The following PTPN13 variants were observed in gnomAD, a reference collection of about 807,000 sequenced individuals.
The protein encoded by PTPN13 is tyrosine-protein phosphatase non-receptor type 13.
PTPN13 carries 191 observed loss-of-function variants against 284.0 expected under a neutral mutation model. The ratio of observed to expected loss-of-function variants is 0.67; its 90% CI spans 0.60 to 0.76. The LOEUF (loss-of-function observed/expected upper bound fraction) is 0.76, where lower values mean the gene tolerates loss of function less well. PTPN13 is among the 30% of genes least tolerant of loss of function. The pLI is 0.00. For missense variants in PTPN13, 2,797 were observed against 2,939.9 expected, an observed-to-expected ratio of 0.95 and a Z score of 1.12; for synonymous variants, 986 against 1,022.3, an observed-to-expected ratio of 0.96 and a Z score of 0.68.
At chr4:86,712,151 A>T (rs1732487720) in intron 7 of PTPN13, among the ~76,000 whole-genome samples, 1 of 152,084 alleles carries the variant, frequency 6.6e-6, no homozygotes, top group Non-Finnish European at 1.5e-5. Context: ...TGGGATCTGT[A>T]TCAAATCTAA....
intron 37 of PTPN13, among the ~76,000 whole-genome samples, chr4:86,784,115 C>T (rs1741639837): frequency 6.6e-6 from 1 of 151,928 alleles, no homozygotes; most frequent in African/African-American, 2.4e-5. Context: ...TATAAAATTG[C>T]TTCAAAAAAG....
chr4:86,651,401 TCCTC>T (rs1427684170), intron 2 of PTPN13, among the ~76,000 whole-genome samples: 1 of 151,936 alleles, frequency 6.6e-6, no homozygotes, highest in African/African-American at 2.4e-5. Flanking sequence ...TTCCATCCCT[TCCTC>T]CCTCCCTCCC....
intron 20 of PTPN13, among the ~76,000 whole-genome samples, chr4:86,754,198 G>T (rs1018332120): frequency 2.0e-5 from 3 of 151,864 alleles, no homozygotes; most frequent in African/African-American, 7.3e-5. Flanking sequence ...TTTTATTTTT[G>T]AATGTATCCT....
chr4:86,779,318 A>G (rs1041656537), intron 35 of PTPN13, among the ~76,000 whole-genome samples: 11 of 151,828 alleles, frequency 7.2e-5, no homozygotes, highest in African/African-American at 2.2e-4. Flanking sequence ...TCGGGAGGCT[A>G]AGGCAGGAGA....
At chr4:86,647,959 T>C (rs1724627934) in intron 2 of PTPN13, among the ~76,000 whole-genome samples, 1 of 152,116 alleles carries the variant, frequency 6.6e-6, no homozygotes, top group African/African-American at 2.4e-5. Flanking sequence ...GGTACTTTGT[T>C]ATAGCAGCCC....
chr4:86,680,642 G>A (rs775056880), intron 3 of PTPN13, among the ~76,000 whole-genome samples: 11 of 152,038 alleles, frequency 7.2e-5, no homozygotes, highest in Non-Finnish European at 1.5e-4. Context: ...CTGATCATGA[G>A]GGTCTTTTCC....
chr4:86,670,598 A>C lies in PTPN13; in HGVS notation c.116-1767A>C, dbSNP rs199681815. ...ATTGCCACCACTGTGCTTATTGGCC[A>C]TCATCATCTCACACCAGATTATTAG... On this transcript the variant is annotated intron_variant, in intron 2 of 47. Transcript: ENST00000411767. Among the ~76,000 whole-genome samples, 21 of 152,258 alleles carry C rather than the reference A, an allele frequency of 1.4e-4. No homozygotes were observed. The East Asian group carries it at 4.1e-3, about 29-fold the overall frequency.
At chr4:86,610,101 C>T (rs1765133457) in intron 1 of PTPN13, among the ~76,000 whole-genome samples, 2 of 152,064 alleles carry the variant, frequency 1.3e-5, no homozygotes, top group African/African-American at 4.8e-5. Context: ...GTAGTCCCAG[C>T]TACTTGGGAG....
intron 2 of PTPN13, among the ~76,000 whole-genome samples, chr4:86,657,397 C>T (rs921927858): frequency 5.9e-5 from 9 of 152,212 alleles, no homozygotes; most frequent in African/African-American, 2.2e-4. Flanking sequence ...CCCCTAAATA[C>T]ACTGCCTTGG....
intron 1 of PTPN13, among the ~76,000 whole-genome samples, chr4:86,627,032 A>G (rs775081869): frequency 4.6e-5 from 7 of 152,174 alleles, no homozygotes; most frequent in Non-Finnish European, 1.0e-4. Context: ...CAGCCTTAAA[A>G]AAGAAGGAAA....
At chr4:86,742,551 T>G (rs992068632) in intron 16 of PTPN13, among the ~76,000 whole-genome samples, 5 of 152,324 alleles carry the variant, frequency 3.3e-5, no homozygotes, top group Admixed American at 2.0e-4. Context: ...AGCAAAACAG[T>G]ATTTATAAAG....
Position 86,716,644 on chromosome 4 carries a change from A to C in PTPN13, c.1291+19A>C, listed in dbSNP as rs749665933. ...AGACAAGGTAGGAGGCATCTGAAAC[A>C]AGCAAACTGTTTTTAAGAAACCACG... On this transcript the variant is annotated intron_variant, in intron 8 of 47. Transcript: ENST00000411767. 6.9e-7 allele frequency: 1 copy of C among 1,456,798 alleles called. No homozygotes were observed. The highest frequency in any genetic ancestry group is 1.4e-5 in the African/African-American group (1 of 70,662). The allele number at this position is 1,456,798 out of a possible 1,614,324, so 90.2% of individuals were successfully genotyped here.
At chr4:86,779,550 T>A (rs570496195) in intron 35 of PTPN13, among the ~76,000 whole-genome samples, 22 of 152,242 alleles carry the variant, frequency 1.4e-4, no homozygotes, top group Admixed American at 1.2e-3. Flanking sequence ...AGAAAGCCTG[T>A]TTTTTGTTGG....
intron 2 of PTPN13, among the ~76,000 whole-genome samples, chr4:86,663,090 T>G (rs1438661568): frequency 6.6e-6 from 1 of 152,232 alleles, no homozygotes; most frequent in Non-Finnish European, 1.5e-5. Flanking sequence ...GTAGTTTGCT[T>G]TACTTTGGGA....
At chr4:86,716,178 T>C (rs1019966256) in intron 7 of PTPN13, among the ~76,000 whole-genome samples, 1 of 152,346 alleles carries the variant, frequency 6.6e-6, no homozygotes. Context: ...AAGCTTCGTG[T>C]ATGTTAATTC....
At chr4:86,686,331 G>A (rs968988997) in intron 3 of PTPN13, among the ~76,000 whole-genome samples, 4 of 151,708 alleles carry the variant, frequency 2.6e-5, no homozygotes, top group African/African-American at 9.7e-5. Flanking sequence ...CTCCAGCCTG[G>A]GCGACAGAGC....
At chr4:86,790,869 G>T (rs1742546319) in intron 40 of PTPN13, among the ~76,000 whole-genome samples, 2 of 152,000 alleles carry the variant, frequency 1.3e-5, no homozygotes, top group Admixed American at 1.3e-4. Flanking sequence ...TTTGGGGGTG[G>T]TCACTTCCAA....
At chr4:86,782,472 C>T (rs966542566) in intron 37 of PTPN13, among the ~76,000 whole-genome samples, 2 of 152,136 alleles carry the variant, frequency 1.3e-5, no homozygotes, top group Admixed American at 1.3e-4. Context: ...CATCATTTAG[C>T]ACACACTCAG....
intron 9 of PTPN13, among the ~76,000 whole-genome samples, chr4:86,718,369 C>G (rs935032786): frequency 6.6e-6 from 1 of 152,106 alleles, no homozygotes; most frequent in Non-Finnish European, 1.5e-5. Context: ...GTAACCCTAG[C>G]CATGTGATTA....
Sources: allele counts gnomAD v4.1 joint callset (sites outside exome capture counted in the v4.1 genomes callset), GRCh38; gene constraint gnomAD v4.1.1; transcripts MANE v1.5; gene names NCBI Gene and HGNC (gene_info 2026-07-23, HGNC 2026-07-21).